OPCML: variants seen among roughly 807,000 people sequenced by gnomAD.
The protein encoded by OPCML is opioid binding protein/cell adhesion molecule like.
OPCML carries 13 observed loss-of-function variants against 37.8 expected under a neutral mutation model. That is an observed-to-expected ratio of 0.34 (90% CI 0.22 to 0.55). OPCML has a LOEUF of 0.55. Among genes scored for constraint, OPCML ranks in the 20% least tolerant of loss-of-function variants. OPCML has a pLI of 0.91. For missense variants in OPCML, 341 were observed against 435.6 expected, an observed-to-expected ratio of 0.78 and a Z score of 1.93; for synonymous variants, 176 against 168.8, an observed-to-expected ratio of 1.04 and a Z score of -0.33.
At chr11:132,535,999 G>A (rs2096339793) in intron 3 of OPCML, among the ~76,000 whole-genome samples, 8 of 152,164 alleles carry the variant, frequency 5.3e-5, no homozygotes, top group Admixed American at 3.3e-4. Flanking sequence ...AATCAGAACA[G>A]GAAGCAATAG....
chr11:133,072,369 T>C lies in OPCML; in HGVS notation c.62-129359A>G, dbSNP rs73588580. ...GAGAAAATAAGTGAGACTAAACATT[T>C]AAAATAACTCAAAAGGCAACGACAG... On this transcript the variant is annotated intron_variant, in intron 1 of 7. Transcript: ENST00000524381. Among the ~76,000 whole-genome samples the C allele has an allele frequency of 7.8e-3, 1,182 of 152,306 alleles. 14 individuals carry two copies. Among genetic ancestry groups the C allele is most frequent in the African/African-American group, 0.025 (1,028 of 41,566 alleles).
chr11:132,620,494 A>C (rs1939332154), intron 3 of OPCML, among the ~76,000 whole-genome samples: 1 of 152,226 alleles, frequency 6.6e-6, no homozygotes, highest in African/African-American at 2.4e-5. Context: ...TGGTGAAATC[A>C]CATGGCAGAG....
chr11:133,083,140 A>AC (rs1243365206), intron 1 of OPCML, among the ~76,000 whole-genome samples: 2 of 147,824 alleles, frequency 1.4e-5, no homozygotes, highest in Non-Finnish European at 3.0e-5. Flanking sequence ...CCACGCACAC[A>AC]CACGCACACA....
chr11:133,187,993 C>A (rs759335283), intron 1 of OPCML, among the ~76,000 whole-genome samples: 1 of 152,326 alleles, frequency 6.6e-6, no homozygotes, highest in Non-Finnish European at 1.5e-5. Context: ...AACACTCAGG[C>A]AGCTCTGGGT....
intron 1 of OPCML, among the ~76,000 whole-genome samples, chr11:133,275,498 C>T (rs1157923537): frequency 3.3e-5 from 5 of 152,132 alleles, no homozygotes; most frequent in Admixed American, 6.5e-5. Context: ...TCCTCACAGG[C>T]GTGGGACTTC....
chr11:133,131,670 C>G (rs1372068032), intron 1 of OPCML, among the ~76,000 whole-genome samples: 1 of 152,122 alleles, frequency 6.6e-6, no homozygotes, highest in Non-Finnish European at 1.5e-5. Context: ...AGGTATTTAC[C>G]TAAATGAGTT....
At chr11:133,171,254 T>A (rs189539686) in intron 1 of OPCML, among the ~76,000 whole-genome samples, 10 of 152,342 alleles carry the variant, frequency 6.6e-5, no homozygotes, top group African/African-American at 2.2e-4. Flanking sequence ...GTGGGGTCAT[T>A]ATCTCTGTCT....
In OPCML at chr11:133,208,606, C is replaced by T. The variant is rs11608061; in HGVS notation, c.62-265596G>A. ...AAGCAGGAAAAGCTGGATTTTGACA[C>T]ATATTTGACATGCATCTCACCTCGA... On this transcript the variant is annotated intron_variant, in intron 1 of 7. Transcript: ENST00000524381. This position sits in a 1 kb window ranked among gnomAD's most constrained non-coding sequence, Gnocchi z 8.9. 0.19 allele frequency among the ~76,000 whole-genome samples: 29,610 copies of T among 152,142 alleles called. 3,180 individuals are homozygous for T. The highest frequency in any genetic ancestry group is 0.25 in the Non-Finnish European group (16,789 of 67,972).
At chr11:133,322,677 C>T (rs55951739) in intron 1 of OPCML, among the ~76,000 whole-genome samples, 66 of 152,256 alleles carry the variant, frequency 4.3e-4, no homozygotes, top group African/African-American at 1.5e-3. Flanking sequence ...CACCAATGAC[C>T]CAATTGTTAA....
intron 1 of OPCML, among the ~76,000 whole-genome samples, chr11:133,116,805 C>CATACATATAT (rs1280351007): frequency 2.7e-4 from 39 of 144,152 alleles, no homozygotes; most frequent in African/African-American, 7.6e-4. Flanking sequence ...TAAAACTATA[C>CATACATATAT]ATATATATAT....
Position 132,562,267 on chromosome 11 carries a change from A to T in OPCML, c.380-33081T>A, listed in dbSNP as rs77052201. 4.8e-3 allele frequency among the ~76,000 whole-genome samples: 732 copies of T among 152,226 alleles called. 2 individuals carry two copies. Among genetic ancestry groups the T allele is most frequent in the Middle Eastern group, 0.027 (8 of 294 alleles). On this transcript the variant is annotated intron_variant, in intron 3 of 7. Coordinates refer to ENST00000524381, the MANE Select transcript of OPCML (RefSeq NM_001012393.5). ...CTTAAAGCTTCTACAAAAATGATAG[A>T]TTAAAAAAGTAGAGGCACATAGGTC...
chr11:133,359,600 C>G (rs1339882577), intron 1 of OPCML, among the ~76,000 whole-genome samples: 1 of 152,196 alleles, frequency 6.6e-6, no homozygotes, highest in Non-Finnish European at 1.5e-5. Context: ...TACATTAAAT[C>G]AGTTCCCAAT....
chr11:133,303,638 T>A (rs927334011), intron 1 of OPCML, among the ~76,000 whole-genome samples: 3 of 152,204 alleles, frequency 2.0e-5, no homozygotes, highest in African/African-American at 4.8e-5. Flanking sequence ...TATGCTACCA[T>A]ATGTGTTCTA....
intron 1 of OPCML, chr11:133,007,529 G>A (rs1036112442): frequency 1.0e-6 from 1 of 985,450 alleles, no homozygotes; most frequent in Non-Finnish European, 1.2e-6. Context: ...TTGGAAGGCA[G>A]GGTGGGGAAC....
intron 2 of OPCML, among the ~76,000 whole-genome samples, chr11:132,893,896 G>A (rs1943741771): frequency 6.6e-6 from 1 of 152,148 alleles, no homozygotes; most frequent in African/African-American, 2.4e-5. Context: ...TCAAAGTGCT[G>A]CATACTTGTT....
intron 4 of OPCML, among the ~76,000 whole-genome samples, chr11:132,454,492 A>G (rs2096076431): frequency 6.6e-6 from 1 of 152,202 alleles, no homozygotes; most frequent in Non-Finnish European, 1.5e-5. Flanking sequence ...TCCTGCGGTA[A>G]CAGCCCCTCT....
At chr11:132,807,139 C>T (rs1939063959) in intron 2 of OPCML, among the ~76,000 whole-genome samples, 2 of 152,072 alleles carry the variant, frequency 1.3e-5, no homozygotes. Flanking sequence ...AATCTAAATC[C>T]TAGTTATATA....
At chr11:132,426,161 T>G (rs1485122136) in intron 7 of OPCML, among the ~76,000 whole-genome samples, 1 of 152,006 alleles carries the variant, frequency 6.6e-6, no homozygotes, top group Non-Finnish European at 1.5e-5. Flanking sequence ...AACAAAATAC[T>G]TTGGGGACAG....
At chr11:133,262,115 C>T (rs146602740) in intron 1 of OPCML, among the ~76,000 whole-genome samples, 53 of 152,252 alleles carry the variant, frequency 3.5e-4, no homozygotes, top group African/African-American at 1.2e-3. Context: ...TTTTGATGTA[C>T]GGCATGATGT....
Sources: gnomAD v4.1 joint callset for allele counts (sites outside exome capture counted in the v4.1 genomes callset) on GRCh38, gnomAD v4.1.1 for gene constraint, Gnocchi (gnomAD v3.1) non-coding constraint, MANE v1.5 for transcripts, NCBI Gene and HGNC (gene_info 2026-07-23, HGNC 2026-07-21) for gene names.